PUDP: variants seen among roughly 807,000 people sequenced by gnomAD.
PUDP encodes pseudouridine 5'-phosphatase.
PUDP carries 8 observed loss-of-function variants against 9.4 expected under a neutral mutation model. The ratio of observed to expected loss-of-function variants is 0.85; its 90% CI spans 0.50 to 1.53. The LOEUF is 1.53. Ranked by LOEUF, PUDP falls within the 40% of genes most tolerant of loss-of-function variation. The pLI, the probability that PUDP is intolerant of heterozygous loss-of-function variation, is 0.00. For missense variants in PUDP, 188 were observed against 189.7 expected (o/e 0.99, Z 0.05); for synonymous variants, 99 against 80.7 (o/e 1.23, Z -1.22).
chrX:6,998,417 T>C (rs1415650333), intron 1 of PUDP, among the ~76,000 whole-genome samples: 2 of 111,230 alleles, frequency 1.8e-5, no homozygotes, highest in Non-Finnish European at 3.8e-5. Context: ...TGTTCAAATA[T>C]ACCAGCTACA....
chrX:7,028,871 C>T (rs1450928048), intron 1 of PUDP, among the ~76,000 whole-genome samples: 1 of 111,549 alleles, frequency 9.0e-6, no homozygotes, highest in Non-Finnish European at 1.9e-5. Flanking sequence ...GGGGCTGGTT[C>T]CTCCTGAGGC....
chrX:6,707,887 C>A (rs1721666231), intron 1 of PUDP, among the ~76,000 whole-genome samples: 1 of 111,795 alleles, frequency 8.9e-6, no homozygotes, highest in Non-Finnish European at 1.9e-5. Flanking sequence ...TTGGCACTTT[C>A]TTTTATAACC....
At chrX:6,947,203 T>A (rs1928481086) in intron 3 of PUDP, among the ~76,000 whole-genome samples, 1 of 110,244 alleles carries the variant, frequency 9.1e-6, no homozygotes, top group Admixed American at 9.8e-5. Context: ...GGTTTCACCA[T>A]GTTGGCCAGG....
chrX:7,135,036 T>A (rs1221779409), intron 1 of PUDP, among the ~76,000 whole-genome samples: 1 of 111,913 alleles, frequency 8.9e-6, no homozygotes, highest in South Asian at 3.7e-4. Flanking sequence ...ATGGCAGGGA[T>A]ACAACTGGGT....
At chrX:6,967,573 C>A (rs1928806393) in intron 3 of PUDP, among the ~76,000 whole-genome samples, 1 of 111,256 alleles carries the variant, frequency 9.0e-6, no homozygotes, top group African/African-American at 3.3e-5. Flanking sequence ...CAATCACTAA[C>A]TCCTCACTAC....
At chrX:6,804,533 A>G (rs983964101) in intron 3 of PUDP, among the ~76,000 whole-genome samples, 3 of 112,069 alleles carry the variant, frequency 2.7e-5, no homozygotes, top group East Asian at 2.8e-4. Flanking sequence ...GTCTAACAAA[A>G]GTACTGGAGA....
chrX:6,933,311 C>A (rs1174365126), intron 3 of PUDP, among the ~76,000 whole-genome samples: 2 of 111,175 alleles, frequency 1.8e-5, no homozygotes, highest in Non-Finnish European at 3.8e-5. Context: ...GATCAGACAG[C>A]AGCATTCGCG....
intron 1 of PUDP, among the ~76,000 whole-genome samples, chrX:7,135,020 C>T (rs1202517664): frequency 8.9e-6 from 1 of 111,789 alleles, no homozygotes; most frequent in African/African-American, 3.3e-5. Flanking sequence ...AGGTAACCTC[C>T]AGGGAATGGC....
chrX:7,104,608 A>C (rs994318095), intron 2 of PUDP, among the ~76,000 whole-genome samples: 3 of 111,972 alleles, frequency 2.7e-5, no homozygotes, highest in Non-Finnish European at 3.8e-5. Context: ...GATGTGTTTC[A>C]CCAAGACTTA....
intron 3 of PUDP, among the ~76,000 whole-genome samples, chrX:6,899,521 C>T (rs1006408212): frequency 1.8e-5 from 2 of 110,827 alleles, no homozygotes; most frequent in African/African-American, 6.6e-5. Flanking sequence ...TGCAGTGAGC[C>T]GAGATCACAC....
At chrX:6,856,887 A>G (rs1275324441) in intron 3 of PUDP, among the ~76,000 whole-genome samples, 1 of 112,403 alleles carries the variant, frequency 8.9e-6, no homozygotes, top group African/African-American at 3.2e-5. Context: ...TGACTTAAGT[A>G]AGCCAATTAA....
At chrX:6,718,618 G>C (rs1190735590) in intron 1 of PUDP, among the ~76,000 whole-genome samples, 1 of 111,163 alleles carries the variant, frequency 9.0e-6, no homozygotes, top group Non-Finnish European at 1.9e-5. Context: ...TGGGAGGAGA[G>C]TGAGGGATAA....
chrX:7,057,678 T>C, intron 3 of PUDP: 3 of 1,151,990 alleles, frequency 2.6e-6, no homozygotes, highest in Non-Finnish European at 2.3e-6. Context: ...GGGGTCTCCA[T>C]GCACTGTGGC....
chrX:7,082,528 T>C (rs1241624341), intron 2 of PUDP, among the ~76,000 whole-genome samples: 1 of 111,901 alleles, frequency 8.9e-6, no homozygotes, highest in African/African-American at 3.2e-5. Flanking sequence ...TGCATGTCAT[T>C]AACGCTGTGT....
At chrX:6,926,825 A>AT (rs1928109794) in intron 3 of PUDP, among the ~76,000 whole-genome samples, 2 of 103,780 alleles carry the variant, frequency 1.9e-5, no homozygotes, top group African/African-American at 7.2e-5. Context: ...ATCCTCCATC[A>AT]TTTTTTTAAG....
chrX:6,902,204 T>A (rs1277579524), intron 3 of PUDP, among the ~76,000 whole-genome samples: 1 of 112,228 alleles, frequency 8.9e-6, no homozygotes, highest in South Asian at 3.7e-4. Context: ...TTGGGTTTCA[T>A]AACTGGTAAA....
intron 2 of PUDP, among the ~76,000 whole-genome samples, chrX:7,087,872 T>G (rs1304848775): frequency 8.9e-6 from 1 of 111,837 alleles, no homozygotes; most frequent in Non-Finnish European, 1.9e-5. Flanking sequence ...TGGCAATAGG[T>G]GCTGTCTAAT....
At chrX:6,778,327 T>C (rs183789498) in intron 3 of PUDP, among the ~76,000 whole-genome samples, 15 of 112,622 alleles carry the variant, frequency 1.3e-4, no homozygotes, top group African/African-American at 4.5e-4. Context: ...TGGTAAAGAA[T>C]AGGGTATCTA....
rs1924995353 is a variant in PUDP, at chrX:6,745,998, G to A, written c.*248-39532C>T. Among the ~76,000 whole-genome samples the A allele has an allele frequency of 2.7e-5, 3 of 111,885 alleles. No individual in the cohort carries two copies. In the South Asian group the frequency reaches 1.1e-3, roughly 42 times the overall value. ...TGACTCCTCAGAACTTTTCCATAGA[G>A]AGGGGCAAGATCCACTGATCACAAA... On this transcript the variant is annotated intron_variant and NMD_transcript_variant, in intron 3 of 3. Transcript: ENST00000655425.
Sources: allele counts gnomAD v4.1 joint callset (sites outside exome capture counted in the v4.1 genomes callset), GRCh38; gene constraint gnomAD v4.1.1; transcripts MANE v1.5; gene names NCBI Gene and HGNC (gene_info 2026-07-23, HGNC 2026-07-21).